Variants in GNG2 observed in about 807,000 individuals in gnomAD.
GNG2 encodes guanine nucleotide-binding protein G(I)/G(S)/G(O) subunit gamma-2.
In GNG2, 5 loss-of-function variants were observed where a neutral mutation model predicts 5.5. That is an observed-to-expected ratio of 0.91 (90% CI 0.48 to 1.92). The LOEUF is 1.92. GNG2 is among the 30% of genes most tolerant of loss of function. GNG2 has a pLI of 0.01. For synonymous variants in GNG2, 28 were observed against 32.0 expected (o/e 0.88, Z 0.42); for missense variants, 55 against 88.4 (o/e 0.62, Z 1.52).
At position 51,961,670 on chromosome 14, in the gene GNG2, G is replaced by T. The variant is rs571753798; in HGVS notation, c.88-4889G>T. ...GGATGAGGCGATCAGTGAAGGTTCTGCAAGGAGGTGGTATTTCTGCTGACT... is the reference window on the plus strand; with the variant it reads ...GGATGAGGCGATCAGTGAAGGTTCTTCAAGGAGGTGGTATTTCTGCTGACT... On this transcript the variant is annotated intron_variant, in intron 3 of 3. Transcript: ENST00000556766. 3.9e-5 allele frequency among the ~76,000 whole-genome samples: 6 copies of T among 152,316 alleles called. No homozygotes were observed. In the South Asian group the frequency reaches 1.2e-3, roughly 32 times the overall value.
chr14:51,833,243 G>A (rs10147144), intron 2 of GNG2, among the ~76,000 whole-genome samples: 6,786 of 152,234 alleles, frequency 0.045, 222 homozygotes, highest in African/African-American at 0.09. Context: ...ATCTACCTCC[G>A]GTACCTCTTC....
At chr14:51,903,621 C>G (rs555223702) in intron 2 of GNG2, among the ~76,000 whole-genome samples, 1 of 152,190 alleles carries the variant, frequency 6.6e-6, no homozygotes, top group Non-Finnish European at 1.5e-5. Context: ...CAGACCTCTA[C>G]GATTTCCAGT....
intron 2 of GNG2, among the ~76,000 whole-genome samples, chr14:51,892,860 G>T (rs988296193): frequency 7.2e-5 from 11 of 152,204 alleles, no homozygotes; most frequent in African/African-American, 2.2e-4. Context: ...ATCAGCAACT[G>T]CATACAGTTC....
At chr14:51,910,875 AG>A (rs1279632083) in intron 2 of GNG2, among the ~76,000 whole-genome samples, 1 of 152,272 alleles carries the variant, frequency 6.6e-6, no homozygotes, top group African/African-American at 2.4e-5. Context: ...GAATGCCTCT[AG>A]AACAGCACTT....
At chr14:51,965,001 G>A (rs1387115427) in intron 3 of GNG2, among the ~76,000 whole-genome samples, 1 of 152,210 alleles carries the variant, frequency 6.6e-6, no homozygotes, top group African/African-American at 2.4e-5. Flanking sequence ...CATCAATTAA[G>A]AGGGTTCCTC....
intron 2 of GNG2, among the ~76,000 whole-genome samples, chr14:51,899,801 G>A (rs974482903): frequency 7.2e-5 from 11 of 152,258 alleles, no homozygotes; most frequent in Middle Eastern, 3.4e-3. Context: ...TTAGCATAAC[G>A]TCTTTAAAGT....
intron 3 of GNG2, among the ~76,000 whole-genome samples, chr14:51,960,010 G>A (rs1474896589): frequency 6.6e-6 from 1 of 152,044 alleles, no homozygotes; most frequent in Admixed American, 6.6e-5. Context: ...ACTTGAACCT[G>A]TGGATTTGCA....
intron 1 of GNG2, among the ~76,000 whole-genome samples, chr14:51,870,450 G>A (rs929161706): frequency 2.0e-5 from 3 of 152,142 alleles, no homozygotes; most frequent in Non-Finnish European, 2.9e-5. Context: ...CTGCATTTCT[G>A]CATTGTAAAA....
At chr14:51,936,358 A>G (rs1888002879) in intron 2 of GNG2, among the ~76,000 whole-genome samples, 1 of 152,030 alleles carries the variant, frequency 6.6e-6, no homozygotes, top group African/African-American at 2.4e-5. Flanking sequence ...GTACCTGGGG[A>G]CCGGTCTCAA....
chr14:51,838,142 T>C (rs1881386977), intron 2 of GNG2, among the ~76,000 whole-genome samples: 1 of 106,734 alleles, frequency 9.4e-6, no homozygotes, highest in South Asian at 2.9e-4. Context: ...ATATTCATTA[T>C]TTTATGAGAT....
At chr14:51,916,180 C>T (rs1886608578) in intron 2 of GNG2, 1 of 236,044 alleles carries the variant, frequency 4.2e-6, no homozygotes, top group African/African-American at 2.3e-5. Context: ...CATTTTATTT[C>T]TGTGTAAAAT....
intron 2 of GNG2, among the ~76,000 whole-genome samples, chr14:51,832,354 A>G (rs1011425807): frequency 2.0e-5 from 3 of 152,120 alleles, no homozygotes; most frequent in African/African-American, 7.2e-5. Flanking sequence ...TAATGTGTGT[A>G]TATATATAGT....
chr14:51,960,197 T>G (rs2140300945), intron 3 of GNG2, among the ~76,000 whole-genome samples: 1 of 152,150 alleles, frequency 6.6e-6, no homozygotes. Context: ...GTCTATTTTC[T>G]CTCTGCACTT....
At chr14:51,915,350 T>C (rs1886554885) in intron 2 of GNG2, among the ~76,000 whole-genome samples, 1 of 152,230 alleles carries the variant, frequency 6.6e-6, no homozygotes, top group Admixed American at 6.5e-5. Flanking sequence ...TGCATTTCAG[T>C]GTAATAATTA....
chr14:51,939,030 G>A (rs552809945), intron 2 of GNG2, among the ~76,000 whole-genome samples: 1 of 152,292 alleles, frequency 6.6e-6, no homozygotes, highest in Non-Finnish European at 1.5e-5. Flanking sequence ...CATAGGTTAA[G>A]AGAGCTATTT....
Position 51,919,681 on chromosome 14 carries a change from T to G in GNG2, c.-29-30969T>G, listed in dbSNP as rs566981964. On this transcript the variant is annotated intron_variant, in intron 2 of 3. Coordinates refer to ENST00000556766, the MANE Select transcript of GNG2 (RefSeq NM_053064.5). Reference sequence around the variant, plus strand: ...GTAAGGCAGCTGAGCTTTGGCTGATTGAGACTTGTTTGTTTGAACATGTTC... The same window carrying G: ...GTAAGGCAGCTGAGCTTTGGCTGATGGAGACTTGTTTGTTTGAACATGTTC... Among the ~76,000 whole-genome samples the G allele has an allele frequency of 3.3e-5, 5 of 152,374 alleles. No homozygotes were observed. The East Asian group carries it at 5.8e-4, about 18-fold the overall frequency.
intron 2 of GNG2, among the ~76,000 whole-genome samples, chr14:51,834,620 A>T (rs1881285068): frequency 6.6e-6 from 1 of 152,230 alleles, no homozygotes. Flanking sequence ...AAGGATAGGC[A>T]CTTGCCCTCT....
chr14:51,905,553 C>T (rs1369026576), intron 2 of GNG2, among the ~76,000 whole-genome samples: 1 of 152,096 alleles, frequency 6.6e-6, no homozygotes, highest in Non-Finnish European at 1.5e-5. Flanking sequence ...CCTTAGTTAC[C>T]TTTACTCTTT....
chr14:51,866,404 G>A (rs188010309), intron 1 of GNG2, among the ~76,000 whole-genome samples: 21 of 152,114 alleles, frequency 1.4e-4, no homozygotes, highest in African/African-American at 2.2e-4. Flanking sequence ...GCCTTTGTGC[G>A]TTAGAAGTGA....
Sources: allele counts gnomAD v4.1 joint callset (sites outside exome capture counted in the v4.1 genomes callset), GRCh38; gene constraint gnomAD v4.1.1; transcripts MANE v1.5; gene names NCBI Gene and HGNC (gene_info 2026-07-23, HGNC 2026-07-21).